Variants in CDKL1 observed in about 807,000 individuals in gnomAD.
The protein encoded by CDKL1 is cyclin dependent kinase like 1.
In CDKL1, 41 loss-of-function variants were observed where a neutral mutation model predicts 42.0. The ratio of observed to expected loss-of-function variants is 0.98; its 90% confidence interval spans 0.76 to 1.27. CDKL1 has a LOEUF of 1.27. Ranked by LOEUF, CDKL1 falls within the 50% of genes most tolerant of loss-of-function variation. CDKL1 has a pLI of 0.00. For synonymous variants in CDKL1, 153 were observed against 158.6 expected (o/e 0.96, Z 0.26); for missense variants, 394 against 428.4 (o/e 0.92, Z 0.71).
At chr14:50,340,080 T>C (rs1056532919) in intron 6 of CDKL1, among the ~76,000 whole-genome samples, 1 of 152,150 alleles carries the variant, frequency 6.6e-6, no homozygotes, top group African/African-American at 2.4e-5. Context: ...TTAATAACCT[T>C]CTTCCTCCAG....
At chr14:50,374,184 G>A (rs1192629041) in intron 2 of CDKL1, among the ~76,000 whole-genome samples, 1 of 152,178 alleles carries the variant, frequency 6.6e-6, no homozygotes, top group African/African-American at 2.4e-5. Context: ...GCTACATATT[G>A]TACTATTCCA....
chr14:50,374,298 A>G lies in CDKL1; in HGVS notation c.169-15149T>C, dbSNP rs2034668202. Among the ~76,000 whole-genome samples the G allele has an allele frequency of 3.3e-5, 5 of 152,348 alleles. 1 individual carries two copies. The South Asian group carries it at 1.0e-3, about 32-fold the overall frequency. The stretch of plus-strand genomic sequence containing the variant: ...GGAGGGTTGAGTAGGTGAAACACAC[A>G]GGATTTATTAGGGCAGTGAAACTAT... On this transcript the variant is annotated intron_variant, in intron 2 of 9. Coordinates refer to ENST00000395834, the MANE Select transcript of CDKL1 (RefSeq NM_004196.7).
At chr14:50,379,122 G>C (rs1257428177) in intron 2 of CDKL1, among the ~76,000 whole-genome samples, 1 of 152,184 alleles carries the variant, frequency 6.6e-6, no homozygotes, top group East Asian at 1.9e-4. Context: ...AAAGTGCTGG[G>C]ATTACAGGTG....
intron 2 of CDKL1, among the ~76,000 whole-genome samples, chr14:50,384,197 G>A (rs529605956): frequency 1.3e-5 from 2 of 152,302 alleles, no homozygotes; most frequent in Admixed American, 6.5e-5. Flanking sequence ...CATTAGTAAT[G>A]AACATCAATG....
At chr14:50,385,782 C>G (rs1457143067) in intron 2 of CDKL1, among the ~76,000 whole-genome samples, 1 of 102,578 alleles carries the variant, frequency 9.7e-6, no homozygotes, top group Admixed American at 1.5e-4. Flanking sequence ...CCAACCTAGG[C>G]AACAGAGCAA....
rs2032820365 is a variant in CDKL1 at position 50,329,321 on chromosome 14, C to G, written c.*753G>C. The G allele has an allele frequency of 6.6e-6, 1 of 152,088 alleles. No homozygotes were observed. The highest frequency in any genetic ancestry group is 1.5e-5 in the Non-Finnish European group (1 of 68,042). 9.4% of individuals were successfully genotyped at this position (152,088 alleles called of 1,614,324 possible). ...TAGGTCTTGCTCTACCCTTTGACTG[C>G]CTTAATCAGCTGCCGAGCTTCATGC... On this transcript the variant is annotated 3_prime_UTR_variant, in exon 10 of 10. Transcript: ENST00000395834.
At chr14:50,364,143 C>T (rs529301511) in intron 2 of CDKL1, among the ~76,000 whole-genome samples, 1 of 152,136 alleles carries the variant, frequency 6.6e-6, no homozygotes, top group Non-Finnish European at 1.5e-5. Context: ...TATATTGCAC[C>T]CACCTTGCTA....
intron 4 of CDKL1, chr14:50,342,553 G>T: frequency 2.4e-6 from 1 of 419,542 alleles, no homozygotes; most frequent in Non-Finnish European, 3.5e-6. Context: ...TACATCCCAT[G>T]AAGCACTTGG....
intron 2 of CDKL1, among the ~76,000 whole-genome samples, chr14:50,365,789 T>A (rs1423982409): frequency 6.6e-6 from 1 of 152,188 alleles, no homozygotes; most frequent in Non-Finnish European, 1.5e-5. Context: ...ACGGGCACCA[T>A]CTAATCAGCT....
intron 8 of CDKL1, chr14:50,332,900 CTACTTT>C: frequency 5.4e-6 from 2 of 367,246 alleles, no homozygotes; most frequent in Non-Finnish European, 9.3e-6. Context: ...CTAAAATCAG[CTACTTT>C]TTTTTTTTTT....
intron 2 of CDKL1, among the ~76,000 whole-genome samples, chr14:50,386,475 T>G (rs2035085100): frequency 6.6e-6 from 1 of 152,062 alleles, no homozygotes; most frequent in South Asian, 2.1e-4. Context: ...TGCAGCAAAA[T>G]TCTAACAGTT....
At chr14:50,384,566 T>C (rs1029520415) in intron 2 of CDKL1, among the ~76,000 whole-genome samples, 1 of 151,554 alleles carries the variant, frequency 6.6e-6, no homozygotes, top group East Asian at 1.9e-4. Context: ...GTGTGATAAT[T>C]GAGAGTCAGA....
At chr14:50,396,476 T>C (rs1319849903) in intron 1 of CDKL1, 147 bp from the exon 2 acceptor site, 8 of 983,490 alleles carry the variant, frequency 8.1e-6, no homozygotes, top group Non-Finnish European at 9.7e-6. Flanking sequence ...AAAATGTAAC[T>C]TGCCATCCTA....
rs2032827808 is a variant in CDKL1 at position 50,329,534 on chromosome 14, G to GTGT, written c.*537_*539dup. 1 of 152,402 alleles carries GTGT rather than the reference G, an allele frequency of 6.6e-6. No homozygotes were observed. Among genetic ancestry groups the GTGT allele is most frequent in the Admixed American group, 6.5e-5 (1 of 15,286 alleles). 9.4% of individuals were successfully genotyped at this position (152,402 alleles called of 1,614,324 possible). A position where few individuals can be genotyped will look rare whatever the true frequency, so the allele number is the denominator to read the frequency against. On this transcript the variant is annotated 3_prime_UTR_variant, in exon 10 of 10. Coordinates refer to ENST00000395834, the MANE Select transcript of CDKL1 (RefSeq NM_004196.7). ...ATGCTTTTAAATATTTTGAACCTAA[G>GTGT]TGTTACCCTCAAAATGTTTTAAAAT...
intron 8 of CDKL1, 28 bp downstream of exon 8, chr14:50,334,537 C>T: frequency 1.5e-6 from 2 of 1,365,194 alleles, no homozygotes; most frequent in South Asian, 2.3e-5. Flanking sequence ...TGTGTGCTTC[C>T]TGGTCTGTTG....
intron 4 of CDKL1, chr14:50,342,432 C>A: frequency 7.5e-7 from 1 of 1,329,604 alleles, no homozygotes; most frequent in Non-Finnish European, 9.6e-7. Context: ...CCAAAAGAGC[C>A]AAGAAGAGTG....
chr14:50,350,557 C>A (rs1477726941), intron 3 of CDKL1, among the ~76,000 whole-genome samples: 1 of 152,128 alleles, frequency 6.6e-6, no homozygotes, highest in Non-Finnish European at 1.5e-5. Context: ...CCATATATAT[C>A]CCCAGCTTTT....
chr14:50,387,026 C>CAAAACGAA (rs2035101368), intron 2 of CDKL1, among the ~76,000 whole-genome samples: 1 of 139,546 alleles, frequency 7.2e-6, no homozygotes, highest in Non-Finnish European at 1.5e-5. Flanking sequence ...GACTCCGTCT[C>CAAAACGAA]AAAAAGAAAA....
chr14:50,392,359 T>G (rs1433241343), intron 2 of CDKL1, among the ~76,000 whole-genome samples: 1 of 151,754 alleles, frequency 6.6e-6, no homozygotes, highest in South Asian at 2.1e-4. Flanking sequence ...GGCAGGAGAA[T>G]CTCTTGAACC....
Sources: gnomAD v4.1 joint callset for allele counts (sites outside exome capture counted in the v4.1 genomes callset) on GRCh38, gnomAD v4.1.1 for gene constraint, MANE v1.5 for transcripts, NCBI Gene and HGNC (gene_info 2026-07-23, HGNC 2026-07-21) for gene names.